SYNDIG1: variants seen among roughly 807,000 people sequenced by gnomAD.
The protein encoded by SYNDIG1 is synapse differentiation-inducing gene protein 1.
SYNDIG1 carries 9 observed loss-of-function variants against 19.4 expected under a neutral mutation model. The observed-to-expected ratio is 0.46, with a 90% CI of 0.28 to 0.81. The LOEUF is 0.81. SYNDIG1 is among the 30% of genes least tolerant of loss of function. SYNDIG1 has a pLI of 0.12. For missense variants in SYNDIG1, 311 were observed against 343.3 expected, an observed-to-expected ratio of 0.91 and a Z score of 0.74; for synonymous variants, 141 against 145.9, an observed-to-expected ratio of 0.97 and a Z score of 0.24.
At chr20:24,612,453 T>C (rs1049035560) in intron 3 of SYNDIG1, among the ~76,000 whole-genome samples, 5 of 152,198 alleles carry the variant, frequency 3.3e-5, no homozygotes, top group Admixed American at 6.5e-5. Flanking sequence ...GTCTGCACTA[T>C]TATTCATGAC....
chr20:24,505,918 T>C (rs73341698), intron 1 of SYNDIG1, among the ~76,000 whole-genome samples: 1,959 of 152,322 alleles, frequency 0.013, 49 homozygotes, highest in African/African-American at 0.044. Context: ...GGTTTGGTAG[T>C]AGCTAGATGC....
chr20:24,513,259 A>T (rs572573647), intron 1 of SYNDIG1, among the ~76,000 whole-genome samples: 4 of 152,240 alleles, frequency 2.6e-5, no homozygotes, highest in Admixed American at 2.6e-4. Context: ...CCAGCAATGG[A>T]AAAAAGCTGG....
chr20:24,627,604 G>C (rs2059170011), intron 3 of SYNDIG1, among the ~76,000 whole-genome samples: 1 of 152,256 alleles, frequency 6.6e-6, no homozygotes, highest in Non-Finnish European at 1.5e-5. Context: ...ATCTTTCAAA[G>C]GCTAAAAGAC....
chr20:24,533,171 A>G (rs1461164149), intron 1 of SYNDIG1, among the ~76,000 whole-genome samples: 2 of 152,004 alleles, frequency 1.3e-5, no homozygotes, highest in Non-Finnish European at 2.9e-5. Flanking sequence ...TCTCCCTGCA[A>G]TCAGGCAGCT....
intron 2 of SYNDIG1, among the ~76,000 whole-genome samples, chr20:24,570,950 AAATG>A (rs1417053166): frequency 1.3e-5 from 2 of 152,220 alleles, no homozygotes; most frequent in African/African-American, 4.8e-5. Flanking sequence ...TCAGGAAAAA[AAATG>A]AATGAACTAT....
At chr20:24,601,440 C>T (rs751286980) in intron 3 of SYNDIG1, among the ~76,000 whole-genome samples, 52 of 152,172 alleles carry the variant, frequency 3.4e-4, no homozygotes, top group Non-Finnish European at 7.1e-4. Flanking sequence ...GACTTCTCAT[C>T]ATAGGAAGAT....
intron 1 of SYNDIG1, among the ~76,000 whole-genome samples, chr20:24,521,478 G>A (rs149110976): frequency 0.011 from 1,610 of 152,134 alleles, 24 homozygotes; most frequent in African/African-American, 0.037. Context: ...GTCTTCCACC[G>A]TGGCCACTCC....
At chr20:24,531,201 T>C (rs2057251781) in intron 1 of SYNDIG1, among the ~76,000 whole-genome samples, 1 of 152,154 alleles carries the variant, frequency 6.6e-6, no homozygotes, top group African/African-American at 2.4e-5. Context: ...TGGTCTTATA[T>C]GTTAAATATG....
At chr20:24,659,872 G>T (rs527705441) in intron 3 of SYNDIG1, among the ~76,000 whole-genome samples, 1 of 152,240 alleles carries the variant, frequency 6.6e-6, no homozygotes, top group East Asian at 1.9e-4. Context: ...CTCTGTAGAT[G>T]GTTCTTATCT....
chr20:24,500,495 T>TTTCTTTCTTTCTTTCTTTCTTTC (rs2056418201), intron 1 of SYNDIG1, among the ~76,000 whole-genome samples: 1 of 114,112 alleles, frequency 8.8e-6, no homozygotes, highest in African/African-American at 3.3e-5. Context: ...TCTTTCTTTC[T>TTTCTTTCTTTCTTTCTTTCTTTC]TTCTTTCTTT....
At chr20:24,613,210 A>C (rs2058876510) in intron 3 of SYNDIG1, among the ~76,000 whole-genome samples, 1 of 152,118 alleles carries the variant, frequency 6.6e-6, no homozygotes, top group South Asian at 2.1e-4. Context: ...ATTCCCAGCT[A>C]TGTGACCCTG....
intron 1 of SYNDIG1, among the ~76,000 whole-genome samples, chr20:24,527,189 T>A (rs940544815): frequency 6.6e-6 from 1 of 152,250 alleles, no homozygotes; most frequent in Non-Finnish European, 1.5e-5. Context: ...CTGTCTCCTA[T>A]CTTTTTTTCT....
intron 1 of SYNDIG1, among the ~76,000 whole-genome samples, chr20:24,534,936 C>T (rs946602867): frequency 2.0e-5 from 3 of 152,218 alleles, no homozygotes; most frequent in South Asian, 4.1e-4. Flanking sequence ...GCGGCCACCT[C>T]TGCTCTGAAG....
At chr20:24,530,024 C>A (rs114832853) in intron 1 of SYNDIG1, among the ~76,000 whole-genome samples, 4 of 5,658 alleles carry the variant, frequency 7.1e-4, no homozygotes, top group Non-Finnish European at 1.1e-3. Context: ...TGGTGATGGT[C>A]GTGGTGATGG....
intron 1 of SYNDIG1, among the ~76,000 whole-genome samples, chr20:24,509,956 G>A (rs1242944311): frequency 6.6e-6 from 1 of 152,108 alleles, no homozygotes; most frequent in African/African-American, 2.4e-5. Flanking sequence ...TAATGAGTGA[G>A]TTCTCCTGAG....
At chr20:24,607,360 CAAAA>C (rs59085965) in intron 3 of SYNDIG1, among the ~76,000 whole-genome samples, 1 of 107,466 alleles carries the variant, frequency 9.3e-6, no homozygotes, top group African/African-American at 3.5e-5. Context: ...GACTCCGTCT[CAAAA>C]AAAAAAAAAA....
At chr20:24,663,685 C>T (rs780699282) in intron 3 of SYNDIG1, among the ~76,000 whole-genome samples, 7 of 152,182 alleles carry the variant, frequency 4.6e-5, no homozygotes, top group South Asian at 4.1e-4. Flanking sequence ...TCGGGAAGCC[C>T]GGCATGGGTG....
chr20:24,516,087 GA>G, intron 1 of SYNDIG1, among the ~76,000 whole-genome samples: 1 of 152,300 alleles, frequency 6.6e-6, no homozygotes, highest in African/African-American at 2.4e-5. Context: ...AAGAAATGGG[GA>G]AAGGATTCCC....
chr20:24,598,018 G>A (rs1426173139), intron 3 of SYNDIG1, among the ~76,000 whole-genome samples: 2 of 152,202 alleles, frequency 1.3e-5, no homozygotes, highest in Non-Finnish European at 2.9e-5. Flanking sequence ...ACCTGTGTTA[G>A]CCAAATTGGA....
Sources: gnomAD v4.1 joint callset for allele counts (sites outside exome capture counted in the v4.1 genomes callset) on GRCh38, gnomAD v4.1.1 for gene constraint, MANE v1.5 for transcripts, NCBI Gene and HGNC (gene_info 2026-07-23, HGNC 2026-07-21) for gene names.